FAM193A: variants seen among roughly 807,000 people sequenced by gnomAD.
FAM193A encodes protein FAM193A.
FAM193A carries 22 observed loss-of-function variants against 126.5 expected under a neutral mutation model. The ratio of observed to expected loss-of-function variants is 0.17; its 90% confidence interval spans 0.12 to 0.25. The LOEUF (loss-of-function observed/expected upper bound fraction) is 0.25. Among genes scored for constraint, FAM193A ranks in the 10% least tolerant of loss-of-function variants. The pLI is 1.00. For missense variants in FAM193A, 1,675 were observed against 1,672.8 expected (o/e 1.00, Z -0.02); for synonymous variants, 761 against 646.8 (o/e 1.18, Z -2.68).
At chr4:2,568,653 G>A (rs1160437906) in intron 1 of FAM193A, among the ~76,000 whole-genome samples, 4 of 152,236 alleles carry the variant, frequency 2.6e-5, no homozygotes, top group African/African-American at 4.8e-5. Context: ...ACAGTGAGGT[G>A]TGTGTTGTTA....
intron 13 of FAM193A, among the ~76,000 whole-genome samples, chr4:2,684,538 T>G (rs1441784008): frequency 1.3e-5 from 2 of 152,196 alleles, no homozygotes; most frequent in African/African-American, 2.4e-5. Context: ...TTATTTCCTT[T>G]TGCGGATGGA....
intron 2 of FAM193A, among the ~76,000 whole-genome samples, chr4:2,610,619 C>A (rs1201011503): frequency 1.3e-5 from 2 of 152,110 alleles, no homozygotes; most frequent in African/African-American, 4.8e-5. Context: ...CCTTTTATTT[C>A]TGGGTAATAA....
intron 20 of FAM193A, among the ~76,000 whole-genome samples, chr4:2,729,007 G>T (rs1560627900): frequency 6.7e-6 from 1 of 148,368 alleles, no homozygotes; most frequent in Non-Finnish European, 1.5e-5. Flanking sequence ...TAGCTAGTCA[G>T]GTGTGAGCAG....
intron 12 of FAM193A, among the ~76,000 whole-genome samples, chr4:2,665,066 T>C (rs562405184): frequency 6.6e-6 from 1 of 152,340 alleles, no homozygotes; most frequent in South Asian, 2.1e-4. Context: ...TAGATCAATT[T>C]AGGGAGAATG....
At chr4:2,606,827 C>G (rs1423114783) in intron 2 of FAM193A, among the ~76,000 whole-genome samples, 1 of 152,156 alleles carries the variant, frequency 6.6e-6, no homozygotes, top group Non-Finnish European at 1.5e-5. Context: ...AGTTTTCAAG[C>G]CCACAGTGGC....
chr4:2,608,592 A>G (rs1186438865), intron 2 of FAM193A, among the ~76,000 whole-genome samples: 3 of 152,178 alleles, frequency 2.0e-5, no homozygotes, highest in Non-Finnish European at 4.4e-5. Context: ...GGGCTTTGCC[A>G]CCAGAGTCCT....
At chr4:2,540,525 G>A (rs890058435) in intron 1 of FAM193A, among the ~76,000 whole-genome samples, 16 of 151,640 alleles carry the variant, frequency 1.1e-4, no homozygotes, top group African/African-American at 3.9e-4. Context: ...CGGGCGCCCT[G>A]TAGTCCCAGC....
At chr4:2,630,111 G>A (rs190523726) in intron 4 of FAM193A, among the ~76,000 whole-genome samples, 23 of 147,888 alleles carry the variant, frequency 1.6e-4, no homozygotes, top group Admixed American at 1.4e-3. Flanking sequence ...CAGCCTGGGC[G>A]ACAGAGTGAG....
chr4:2,636,660 C>T (rs1173290925), intron 5 of FAM193A, among the ~76,000 whole-genome samples: 1 of 152,204 alleles, frequency 6.6e-6, no homozygotes, highest in Non-Finnish European at 1.5e-5. Context: ...TTTATATCAG[C>T]ACTGATCTCA....
chr4:2,731,293 T>C (rs1404116027), intron 20 of FAM193A, among the ~76,000 whole-genome samples: 1 of 150,456 alleles, frequency 6.6e-6, no homozygotes, highest in Non-Finnish European at 1.5e-5. Context: ...GCTTGAACCT[T>C]GGAGGTGGAG....
intron 20 of FAM193A, among the ~76,000 whole-genome samples, chr4:2,726,178 C>T (rs368700934): frequency 9.2e-5 from 14 of 152,176 alleles, no homozygotes; most frequent in African/African-American, 2.9e-4. Flanking sequence ...GGATTACAGG[C>T]GTGAGCCACC....
chr4:2,711,101 C>T (rs958291943), intron 19 of FAM193A, among the ~76,000 whole-genome samples: 2 of 152,136 alleles, frequency 1.3e-5, no homozygotes, highest in African/African-American at 4.8e-5. Context: ...ATCCACCCAC[C>T]TTGGCCTCCC....
intron 20 of FAM193A, among the ~76,000 whole-genome samples, chr4:2,716,562 T>C (rs1023223484): frequency 6.6e-6 from 1 of 152,240 alleles, no homozygotes; most frequent in African/African-American, 2.4e-5. Flanking sequence ...AGTGGTATGC[T>C]TTTGAGAAGA....
intron 10 of FAM193A, among the ~76,000 whole-genome samples, chr4:2,660,531 G>T (rs1712306348): frequency 6.6e-6 from 1 of 152,212 alleles, no homozygotes; most frequent in Non-Finnish European, 1.5e-5. Flanking sequence ...ATTGTAGTTG[G>T]CTGTTCCCAG....
chr4:2,591,908 C>CCAAAA (rs1246667594), intron 1 of FAM193A, among the ~76,000 whole-genome samples: 1 of 152,024 alleles, frequency 6.6e-6, no homozygotes, highest in East Asian at 1.9e-4. Flanking sequence ...AGTAGTGTTC[C>CCAAAA]CAAAGTGTTT....
chr4:2,635,879 G>T (rs1744036930), intron 5 of FAM193A, among the ~76,000 whole-genome samples: 1 of 152,142 alleles, frequency 6.6e-6, no homozygotes. Flanking sequence ...CACCTCTCCA[G>T]ATCTCTCTGT....
intron 1 of FAM193A, among the ~76,000 whole-genome samples, chr4:2,543,325 G>A (rs1024599642): frequency 2.2e-4 from 33 of 151,950 alleles, no homozygotes; most frequent in Admixed American, 2.2e-3. Context: ...CTGACCTCGT[G>A]ATGTACCCGC....
At chr4:2,631,502 G>A (rs555998469) in intron 5 of FAM193A, among the ~76,000 whole-genome samples, 2 of 152,312 alleles carry the variant, frequency 1.3e-5, no homozygotes, top group South Asian at 4.1e-4. Context: ...AGAAATCTCC[G>A]GTGTCTTACT....
intron 20 of FAM193A, among the ~76,000 whole-genome samples, chr4:2,728,293 A>G (rs1353087212): frequency 8.5e-6 from 1 of 118,102 alleles, no homozygotes; most frequent in African/African-American, 3.3e-5. Flanking sequence ...TATGTTGCCC[A>G]GGCTGGCCTC....
Sources: gnomAD v4.1 joint callset for allele counts (sites outside exome capture counted in the v4.1 genomes callset) on GRCh38, gnomAD v4.1.1 for gene constraint, MANE v1.5 for transcripts, NCBI Gene and HGNC (gene_info 2026-07-23, HGNC 2026-07-21) for gene names.